GRM7: variants seen among roughly 807,000 people sequenced by gnomAD.
The protein encoded by GRM7 is metabotropic glutamate receptor 7.
GRM7 carries 35 observed loss-of-function variants against 84.5 expected under a neutral mutation model. That is an observed-to-expected ratio of 0.41 (90% confidence interval 0.32 to 0.55). The LOEUF (loss-of-function observed/expected upper bound fraction) is 0.55. GRM7 is among the 20% of genes least tolerant of loss of function. The pLI is 0.19. For synonymous variants in GRM7, 487 were observed against 455.1 expected (o/e 1.07, Z -0.89); for missense variants, 1,003 against 1,194.6 (o/e 0.84, Z 2.36).
chr3:7,170,589 A>G (rs1243947810), intron 2 of GRM7, among the ~76,000 whole-genome samples: 1 of 152,184 alleles, frequency 6.6e-6, no homozygotes. Context: ...CTCCTATCAC[A>G]TAAATTAGAT....
chr3:6,899,038 A>G (rs1033276142), intron 1 of GRM7, among the ~76,000 whole-genome samples: 5 of 152,272 alleles, frequency 3.3e-5, no homozygotes, highest in Admixed American at 6.5e-5. Flanking sequence ...GGCAAAATCT[A>G]GCTTCCTCAA....
Position 7,516,476 on chromosome 3 carries a change from C to CAAAAAAAAAAAAAAAAAAA in GRM7, c.1515+54765_1515+54783dup, listed in dbSNP as rs34508559. ...TGGGCGGCAGAGCGAGACTCCCTCT[C>CAAAAAAAAAAAAAAAAAAA]AAAAAAAAAAAAAAAAAAAAAAAAA... is the stretch of plus-strand genomic sequence containing the variant. On this transcript the variant is annotated intron_variant, in intron 7 of 9. Transcript: ENST00000357716. 1.9e-3 allele frequency among the ~76,000 whole-genome samples: 81 copies of CAAAAAAAAAAAAAAAAAAA among 42,468 alleles called. 2 individuals are homozygous for CAAAAAAAAAAAAAAAAAAA. The highest frequency in any genetic ancestry group is 2.9e-3 in the South Asian group (2 of 700). 27.9% of individuals were successfully genotyped at this position (42,468 alleles called of 152,430 possible).
intron 4 of GRM7, among the ~76,000 whole-genome samples, chr3:7,321,458 C>T (rs548131892): frequency 1.3e-5 from 2 of 152,182 alleles, no homozygotes; most frequent in African/African-American, 4.8e-5. Context: ...AAATTTCCTC[C>T]TAAGGAAATA....
At chr3:7,036,518 A>C (rs1049732163) in intron 1 of GRM7, among the ~76,000 whole-genome samples, 2 of 152,160 alleles carry the variant, frequency 1.3e-5, no homozygotes, top group Non-Finnish European at 2.9e-5. Context: ...ACTTACATCT[A>C]ATTCATTAAA....
chr3:7,048,055 C>A (rs910515467), intron 1 of GRM7, among the ~76,000 whole-genome samples: 1 of 151,824 alleles, frequency 6.6e-6, no homozygotes, highest in Non-Finnish European at 1.5e-5. Flanking sequence ...TTCAACATTG[C>A]GATGGAATGG....
chr3:7,644,410 G>A (rs1698527940), intron 8 of GRM7, among the ~76,000 whole-genome samples: 1 of 152,096 alleles, frequency 6.6e-6, no homozygotes, highest in Non-Finnish European at 1.5e-5. Flanking sequence ...AGTTTTAACG[G>A]CACAGGCCTA....
At chr3:7,660,666 A>AAAAT (rs1699404682) in intron 8 of GRM7, among the ~76,000 whole-genome samples, 1 of 152,210 alleles carries the variant, frequency 6.6e-6, no homozygotes, top group Non-Finnish European at 1.5e-5. Flanking sequence ...AATTTATACA[A>AAAAT]AAATACAGAA....
rs1040955230 is a variant in GRM7 at position 7,137,939 on chromosome 3, C to A, written c.520-8513C>A. On this transcript the variant is annotated intron_variant, in intron 1 of 9. Coordinates refer to ENST00000357716, the MANE Select transcript of GRM7 (RefSeq NM_000844.4). ...CTTGAAGACAACACATCAGAGAAGA[C>A]TGAGCTTCTTTAAGAAATGTAAATG... Among the ~76,000 whole-genome samples the A allele has an allele frequency of 2.0e-5, 3 of 152,008 alleles. No homozygotes were observed. The East Asian group carries it at 5.8e-4, about 29-fold the overall frequency.
chr3:7,176,345 T>C (rs1695150657), intron 2 of GRM7, among the ~76,000 whole-genome samples: 1 of 147,064 alleles, frequency 6.8e-6, no homozygotes, highest in African/African-American at 2.5e-5. Flanking sequence ...TGCCAGGAGG[T>C]CGGTGCTGCA....
chr3:7,400,874 C>A (rs1302005451), intron 4 of GRM7, among the ~76,000 whole-genome samples: 1 of 152,112 alleles, frequency 6.6e-6, no homozygotes, highest in Non-Finnish European at 1.5e-5. Context: ...GCACATTCAC[C>A]AAATGTGGAT....
chr3:7,634,033 C>A (rs1324782072), intron 8 of GRM7, among the ~76,000 whole-genome samples: 1 of 151,952 alleles, frequency 6.6e-6, no homozygotes, highest in Non-Finnish European at 1.5e-5. Context: ...CATTGCAGTT[C>A]TCATTTCATC....
chr3:7,535,846 G>A (rs1181061528), intron 7 of GRM7, among the ~76,000 whole-genome samples: 1 of 152,134 alleles, frequency 6.6e-6, no homozygotes, highest in Non-Finnish European at 1.5e-5. Flanking sequence ...ATGCACCTTG[G>A]CAGATACTTG....
chr3:7,394,809 G>A (rs1220067699), intron 4 of GRM7, among the ~76,000 whole-genome samples: 1 of 152,064 alleles, frequency 6.6e-6, no homozygotes, highest in African/African-American at 2.4e-5. Context: ...AGGCCAAGGC[G>A]GGCAGGTCAC....
chr3:7,428,640 C>T (rs1696706018), intron 5 of GRM7, among the ~76,000 whole-genome samples: 1 of 152,104 alleles, frequency 6.6e-6, no homozygotes, highest in African/African-American at 2.4e-5. Context: ...CCTTAACAGC[C>T]ACACAGTCAG....
chr3:7,698,546 C>A (rs534483477), intron 9 of GRM7, among the ~76,000 whole-genome samples: 1 of 152,292 alleles, frequency 6.6e-6, no homozygotes, highest in East Asian at 1.9e-4. Context: ...AACCAATGGA[C>A]TACCTCCCAG....
chr3:7,017,283 C>A (rs191973360), intron 1 of GRM7, among the ~76,000 whole-genome samples: 4 of 152,256 alleles, frequency 2.6e-5, no homozygotes, highest in Admixed American at 2.6e-4. Flanking sequence ...ACCAGTCAGA[C>A]TTTAAAAAGG....
intron 1 of GRM7, among the ~76,000 whole-genome samples, chr3:7,119,033 C>T (rs752178583): frequency 3.3e-5 from 5 of 152,080 alleles, no homozygotes; most frequent in African/African-American, 4.8e-5. Context: ...TAAAGCGTAG[C>T]AACAAATTTC....
chr3:7,400,256 T>A (rs1413073761), intron 4 of GRM7, among the ~76,000 whole-genome samples: 3 of 152,280 alleles, frequency 2.0e-5, no homozygotes, highest in Admixed American at 2.0e-4. Context: ...GTTGTAAGGA[T>A]TATGAAAAGC....
chr3:7,206,634 A>G (rs1696249639), intron 2 of GRM7, among the ~76,000 whole-genome samples: 1 of 152,252 alleles, frequency 6.6e-6, no homozygotes. Context: ...CTGAGGTACA[A>G]GACAGGAGAG....
Sources: gnomAD v4.1 joint callset for allele counts (sites outside exome capture counted in the v4.1 genomes callset) on GRCh38, gnomAD v4.1.1 for gene constraint, MANE v1.5 for transcripts, NCBI Gene and HGNC (gene_info 2026-07-23, HGNC 2026-07-21) for gene names.